Variants in ABCD3 observed in about 807,000 individuals in gnomAD.
The protein encoded by ABCD3 is ATP-binding cassette sub-family D member 3.
In ABCD3, 41 loss-of-function variants were observed where a neutral mutation model predicts 105.5. The ratio of observed to expected loss-of-function variants is 0.39; its 90% confidence interval spans 0.30 to 0.50. The LOEUF is 0.50. Ranked by LOEUF, ABCD3 falls within the 20% of genes least tolerant of loss-of-function variation. The probability of loss-of-function intolerance (pLI) is 0.84; values close to 1 mark genes in which losing one functional copy is unlikely to be tolerated. For synonymous variants in ABCD3, 258 were observed against 269.0 expected (o/e 0.96, Z 0.40); for missense variants, 622 against 806.3 (o/e 0.77, Z 2.77).
chr1:94,418,680 C>T, intron 1 of ABCD3, 92 bp downstream of exon 1: 3 of 1,366,706 alleles, frequency 2.2e-6, no homozygotes, highest in Non-Finnish European at 3.0e-6. Flanking sequence ...GGTCTCTTTG[C>T]CCGACGGGGT....
chr1:94,458,484 A>C (rs540083955), intron 1 of ABCD3, 123 bp from the exon 2 acceptor site: 5 of 846,754 alleles, frequency 5.9e-6, no homozygotes, highest in African/African-American at 5.1e-5. Context: ...GTTCTATCTC[A>C]CTATGATGTG....
At chr1:94,488,038 C>T in intron 13 of ABCD3, 55 bp downstream of exon 13, 2 of 1,351,364 alleles carry the variant, frequency 1.5e-6, no homozygotes, top group Non-Finnish European at 2.1e-6. Flanking sequence ...AATATATTAT[C>T]CTTAATGATT....
At chr1:94,468,042 A>C (rs1648238289) in intron 4 of ABCD3, 35 bp downstream of exon 4, 1 of 1,437,598 alleles carries the variant, frequency 7.0e-7, no homozygotes, top group Admixed American at 1.7e-5. Context: ...TATATGTATG[A>C]AATGCTAATT....
chr1:94,489,101 C>G (rs115229603), intron 13 of ABCD3, among the ~76,000 whole-genome samples: 3 of 151,994 alleles, frequency 2.0e-5, no homozygotes, highest in Admixed American at 6.6e-5. Context: ...TTTTCTTCTT[C>G]GATGCAGAAT....
chr1:94,499,004 A>T lies in ABCD3; in HGVS notation c.1590A>T (p.Glu530Asp), dbSNP rs1240161558. The change falls in exon 19 of 23, where the codon GAA becomes GAT. Residue 530 changes from glutamate (E) to aspartate (D), a missense_variant. By Grantham distance (45) the Glu-to-Asp change is conservative. Coordinates refer to ENST00000370214, the MANE Select transcript of ABCD3 (RefSeq NM_002858.4). ...AAGTGATATATCCAGATGGACGAGA[A>T]GATCAGAAAAGGAAGGGAATTTCTG... ...RDQVIYPDGREDQKRKGISDL... is the reference protein window; with the variant it reads ...RDQVIYPDGRDDQKRKGISDL... 1 of 1,614,000 alleles carries T rather than the reference A, an allele frequency of 6.2e-7. No individual in the cohort carries two copies. The highest frequency in any genetic ancestry group is 1.1e-5 in the South Asian group (1 of 91,074).
At chr1:94,446,127 G>A (rs182522616) in intron 1 of ABCD3, among the ~76,000 whole-genome samples, 1 of 152,220 alleles carries the variant, frequency 6.6e-6, no homozygotes, top group African/African-American at 2.4e-5. Flanking sequence ...TCCAAAATGT[G>A]AAAAAGGAAA....
At chr1:94,432,586 G>C (rs769135615) in intron 1 of ABCD3, 1 of 152,048 alleles carries the variant, frequency 6.6e-6, no homozygotes, top group African/African-American at 2.4e-5. Context: ...TCATTTTACA[G>C]GTGAGGAATA....
chr1:94,478,390 G>T (rs1291517618), intron 8 of ABCD3, 75 bp downstream of exon 8: 5 of 1,249,940 alleles, frequency 4.0e-6, no homozygotes, highest in Non-Finnish European at 5.8e-6. Context: ...ATAGCTTGAT[G>T]GCCTGTAAGA....
chr1:94,480,443 T>C, intron 8 of ABCD3, 21 bp from the exon 9 acceptor site: 4 of 1,613,642 alleles, frequency 2.5e-6, no homozygotes, highest in Non-Finnish European at 3.4e-6. Flanking sequence ...TTTGTGTATC[T>C]TTCTCTCCCA....
At chr1:94,400,205 C>T in the ABCD3 span, among the ~76,000 whole-genome samples, 1 of 151,970 alleles carries the variant, frequency 6.6e-6, no homozygotes, top group Non-Finnish European at 1.5e-5. Flanking sequence ...GGTAGGAGTT[C>T]GAGACCAGCC....
intron 1 of ABCD3, among the ~76,000 whole-genome samples, chr1:94,447,344 G>C (rs1660392393): frequency 6.6e-6 from 1 of 152,120 alleles, no homozygotes; most frequent in Non-Finnish European, 1.5e-5. Flanking sequence ...CAACCTATGG[G>C]AGCATGGGAG....
intron 1 of ABCD3, among the ~76,000 whole-genome samples, chr1:94,444,738 G>A (rs1469861256): frequency 6.6e-6 from 1 of 152,154 alleles, no homozygotes; most frequent in Non-Finnish European, 1.5e-5. Context: ...GTGGGTGGCT[G>A]GGCAGTTCCT....
intron 1 of ABCD3, among the ~76,000 whole-genome samples, chr1:94,456,579 CTT>C (rs879362043): frequency 5.6e-5 from 8 of 143,562 alleles, no homozygotes; most frequent in Non-Finnish European, 7.7e-5. Flanking sequence ...CACTTAGCTC[CTT>C]TTTTTTTTTT....
intron 15 of ABCD3, among the ~76,000 whole-genome samples, chr1:94,490,372 A>G (rs1026295672): frequency 6.6e-6 from 1 of 151,964 alleles, no homozygotes; most frequent in African/African-American, 2.4e-5. Context: ...ATGTTGTGCC[A>G]TTTGACCAAT....
intron 1 of ABCD3, among the ~76,000 whole-genome samples, chr1:94,443,917 AT>A (rs899173770): frequency 9.2e-5 from 14 of 152,120 alleles, no homozygotes; most frequent in African/African-American, 2.9e-4. Context: ...ATATTGCCGT[AT>A]TTTTTTGGAT....
intron 20 of ABCD3, among the ~76,000 whole-genome samples, chr1:94,502,102 T>C (rs188471181): frequency 6.6e-6 from 1 of 152,180 alleles, no homozygotes; most frequent in East Asian, 1.9e-4. Context: ...CCTTTCCCAC[T>C]TTTTGTGTCA....
intron 1 of ABCD3, among the ~76,000 whole-genome samples, chr1:94,433,455 G>A (rs550658200): frequency 2.1e-4 from 32 of 151,122 alleles, no homozygotes; most frequent in African/African-American, 7.5e-4. Flanking sequence ...CGCCCGGCCC[G>A]GTTAGGCAAT....
chr1:94,463,164 A>G (rs1647959408), intron 2 of ABCD3, among the ~76,000 whole-genome samples: 1 of 152,188 alleles, frequency 6.6e-6, no homozygotes, highest in African/African-American at 2.4e-5. Flanking sequence ...CAGTAGGATG[A>G]GGTTTGCAAC....
intron 1 of ABCD3, among the ~76,000 whole-genome samples, chr1:94,454,943 C>T (rs772818090): frequency 1.8e-4 from 27 of 152,328 alleles, no homozygotes; most frequent in Non-Finnish European, 3.5e-4. Context: ...TGAGCCACCA[C>T]ACCTGGCCTA....
Sources: allele counts gnomAD v4.1 joint callset (sites outside exome capture counted in the v4.1 genomes callset), GRCh38; gene constraint gnomAD v4.1.1; transcripts MANE v1.5; gene names NCBI Gene and HGNC (gene_info 2026-07-23, HGNC 2026-07-21).